Variants in TCF4 observed in about 807,000 individuals in gnomAD.
TCF4 encodes SL3-3 enhancer factor 2.
A neutral mutation model predicts 82.1 loss-of-function variants in TCF4; 3 were observed. That is an observed-to-expected ratio of 0.04 (90% CI 0.02 to 0.09). The LOEUF (loss-of-function observed/expected upper bound fraction) is 0.09. Ranked by LOEUF, TCF4 falls within the 10% of genes least tolerant of loss-of-function variation. TCF4 has a pLI of 1.00. For synonymous variants in TCF4, 276 were observed against 309.6 expected (o/e 0.89, Z 1.14); for missense variants, 518 against 852.7 (o/e 0.61, Z 4.89).
chr18:55,226,916 T>A lies in TCF4; in HGVS notation c.*1119A>T, dbSNP rs1211097222. 1 of 152,678 alleles carries A rather than the reference T, an allele frequency of 6.5e-6. No individual in the cohort carries two copies. The highest frequency in any genetic ancestry group is 6.5e-5 in the Admixed American group (1 of 15,284). The allele number at this position is 152,678 out of a possible 1,614,324, so 9.5% of individuals were successfully genotyped here. On this transcript the variant is annotated 3_prime_UTR_variant, in exon 20 of 20. Transcript: ENST00000354452. ...AATCACAGCCACTTTGATTATGTTA[T>A]GTTTCCGATGATATAAACATTGGAA...
chr18:55,514,405 G>GCACACACACACACA (rs74182104), intron 3 of TCF4, among the ~76,000 whole-genome samples: 1 of 130,172 alleles, frequency 7.7e-6, no homozygotes, highest in Non-Finnish European at 1.7e-5. Context: ...ATCTATCCAT[G>GCACACACACACACA]CACACACACA....
intron 2 of TCF4, among the ~76,000 whole-genome samples, chr18:55,607,736 C>T (rs1305553939): frequency 6.6e-6 from 1 of 152,196 alleles, no homozygotes; most frequent in South Asian, 2.1e-4. Context: ...CAAATGCTAT[C>T]ATTCCGTCAA....
At chr18:55,627,964 G>A (rs192011138) in intron 2 of TCF4, among the ~76,000 whole-genome samples, 176 of 152,256 alleles carry the variant, frequency 1.2e-3, no homozygotes, top group African/African-American at 4.2e-3. Context: ...GGAGACTGAG[G>A]GAGAAGAATG....
intron 8 of TCF4, among the ~76,000 whole-genome samples, chr18:55,349,921 T>C (rs926215743): frequency 6.6e-6 from 1 of 152,110 alleles, no homozygotes; most frequent in Non-Finnish European, 1.5e-5. Flanking sequence ...CTCCAGAAAA[T>C]AGAGACATTC....
intron 5 of TCF4, among the ~76,000 whole-genome samples, chr18:55,425,292 C>T (rs2094930926): frequency 6.6e-6 from 1 of 151,724 alleles, no homozygotes; most frequent in Non-Finnish European, 1.5e-5. Flanking sequence ...TTAGCATGGG[C>T]CCTATCATCA....
chr18:55,331,338 T>A (rs2077532357), intron 8 of TCF4, among the ~76,000 whole-genome samples: 1 of 152,222 alleles, frequency 6.6e-6, no homozygotes, highest in African/African-American at 2.4e-5. Context: ...TATAGGATTC[T>A]CCAGCAAAGT....
At chr18:55,463,977 TGAGAGAGAGA>T in intron 4 of TCF4, 89 bp downstream of exon 4, 1 of 302,968 alleles carries the variant, frequency 3.3e-6, no homozygotes, top group Non-Finnish European at 5.7e-6. Flanking sequence ...TGTGTGTGTG[TGAGAGAGAGA>T]GAGAGAGAGA....
At chr18:55,287,154 TACTA>T (rs757904498) in intron 8 of TCF4, among the ~76,000 whole-genome samples, 103 of 152,326 alleles carry the variant, frequency 6.8e-4, no homozygotes, top group Middle Eastern at 6.8e-3. Flanking sequence ...ATTTCATTTT[TACTA>T]ACTGAGCAAT....
chr18:55,480,335 T>TA (rs1234723700), intron 3 of TCF4, among the ~76,000 whole-genome samples: 1 of 146,498 alleles, frequency 6.8e-6, no homozygotes, highest in Admixed American at 6.9e-5. Context: ...GTATTACACT[T>TA]ACTGTTATGG....
At chr18:55,624,003 C>T (rs1313403720) in intron 2 of TCF4, among the ~76,000 whole-genome samples, 1 of 151,986 alleles carries the variant, frequency 6.6e-6, no homozygotes, top group African/African-American at 2.4e-5. Flanking sequence ...TTAATTGTGG[C>T]AAATTTGAGA....
chr18:55,556,203 G>C (rs1057380641), intron 3 of TCF4, among the ~76,000 whole-genome samples: 1 of 151,690 alleles, frequency 6.6e-6, no homozygotes, highest in Non-Finnish European at 1.5e-5. Flanking sequence ...ACTTTCAAAG[G>C]AGTGAGTGGT....
chr18:55,411,225 G>T (rs1256172125), intron 5 of TCF4, among the ~76,000 whole-genome samples: 1 of 152,108 alleles, frequency 6.6e-6, no homozygotes, highest in Non-Finnish European at 1.5e-5. Flanking sequence ...GTCCCCTAGA[G>T]ACCTGAAGGA....
chr18:55,360,953 T>C (rs2084996233), intron 6 of TCF4, among the ~76,000 whole-genome samples: 2 of 151,964 alleles, frequency 1.3e-5, no homozygotes. Flanking sequence ...TTTCAATCTC[T>C]TGACCTCGTG....
chr18:55,506,382 C>T (rs935444684), intron 3 of TCF4, among the ~76,000 whole-genome samples: 3 of 152,202 alleles, frequency 2.0e-5, no homozygotes, highest in Non-Finnish European at 2.9e-5. Flanking sequence ...GTTCCCAAGT[C>T]AAGTCAGGCT....
intron 1 of TCF4, chr18:55,635,659 A>T (rs1187147884): frequency 2.6e-6 from 4 of 1,517,392 alleles, no homozygotes; most frequent in Admixed American, 2.2e-5. Context: ...TTTTGGTTTC[A>T]GTTTCTACTA....
intron 6 of TCF4, among the ~76,000 whole-genome samples, chr18:55,353,126 G>A (rs983711504): frequency 3.9e-5 from 6 of 152,074 alleles, no homozygotes; most frequent in Non-Finnish European, 8.8e-5. Flanking sequence ...TCTTGGTCCT[G>A]GTGGCAAAGG....
intron 8 of TCF4, among the ~76,000 whole-genome samples, chr18:55,341,421 G>A (rs920139813): frequency 6.6e-6 from 1 of 152,148 alleles, no homozygotes; most frequent in African/African-American, 2.4e-5. Flanking sequence ...AAGTACTCTG[G>A]CATGGAATAA....
intron 10 of TCF4, among the ~76,000 whole-genome samples, chr18:55,271,575 A>G (rs2060386419): frequency 6.6e-6 from 1 of 152,124 alleles, no homozygotes; most frequent in Non-Finnish European, 1.5e-5. Flanking sequence ...AGACTTCCGT[A>G]AAAAAGTTGA....
chr18:55,453,904 A>T (rs1395167322), intron 5 of TCF4, among the ~76,000 whole-genome samples: 1 of 151,900 alleles, frequency 6.6e-6, no homozygotes. Context: ...CCCAGGCTGG[A>T]GTGCAAGTGC....
Sources: allele counts gnomAD v4.1 joint callset (sites outside exome capture counted in the v4.1 genomes callset), GRCh38; gene constraint gnomAD v4.1.1; transcripts MANE v1.5; gene names NCBI Gene and HGNC (gene_info 2026-07-23, HGNC 2026-07-21).